SYT7: variants seen among roughly 807,000 people sequenced by gnomAD.
SYT7 encodes the protein synaptotagmin 7, also known as synaptotagmin-7.
In SYT7, 29 loss-of-function variants were observed where a neutral mutation model predicts 75.1. The ratio of observed to expected loss-of-function variants is 0.39; its 90% CI spans 0.29 to 0.53. The LOEUF (loss-of-function observed/expected upper bound fraction) is 0.53. Among genes scored for constraint, SYT7 ranks in the 20% least tolerant of loss-of-function variants. The probability of loss-of-function intolerance (pLI) is 0.77; values close to 1 mark genes in which losing one functional copy is unlikely to be tolerated. For synonymous variants in SYT7, 376 were observed against 401.7 expected, an observed-to-expected ratio of 0.94 and a Z score of 0.76; for missense variants, 693 against 953.2, an observed-to-expected ratio of 0.73 and a Z score of 3.59.
At chr11:61,548,163 G>A (rs2063245584) in intron 3 of SYT7, among the ~76,000 whole-genome samples, 1 of 152,238 alleles carries the variant, frequency 6.6e-6, no homozygotes, top group Non-Finnish European at 1.5e-5. Context: ...ACCTTGCTGA[G>A]GATGTCACTA....
intron 3 of SYT7, among the ~76,000 whole-genome samples, chr11:61,550,805 G>A (rs1274231984): frequency 6.6e-6 from 1 of 152,210 alleles, no homozygotes; most frequent in East Asian, 1.9e-4. Context: ...CTCTACGGCA[G>A]AACAAGGAGA....
intron 3 of SYT7, among the ~76,000 whole-genome samples, chr11:61,549,804 C>A (rs1033338843): frequency 1.3e-5 from 2 of 152,212 alleles, no homozygotes; most frequent in Non-Finnish European, 2.9e-5. Flanking sequence ...TCTTAGAGAG[C>A]CCTCATGGGC....
In SYT7 at chr11:61,580,693, A is replaced by T; in HGVS notation, c.31+97T>A. On this transcript the variant is annotated intron_variant, in intron 1 of 12. Transcript: ENST00000539008. This position sits in a 1 kb window ranked among gnomAD's most constrained non-coding sequence, Gnocchi z 6.1. ...GGGGAGCCCGTGCGGCTCCGGGCGG[A>T]CAACAGCCCCAGGCTGGGGCTCCGA... 1.2e-6 allele frequency: 1 copy of T among 852,202 alleles called. No homozygotes were observed. The allele number at this position is 852,202 out of a possible 1,614,324, so 52.8% of individuals were successfully genotyped here.
Position 61,523,051 on chromosome 11 carries a change from C to T in SYT7, c.1956+24G>A, listed in dbSNP as rs1362009005. ...AGCCTCACTGGTGCCAGCAGGTGCA[C>T]CACACCACCTGCCTCGCCCCTACCT... On this transcript the variant is annotated intron_variant, in intron 12 of 12. Transcript: ENST00000539008. This position sits in a 1 kb window ranked among gnomAD's most constrained non-coding sequence, Gnocchi z 5.0. 6.2e-7 allele frequency: 1 copy of T among 1,612,828 alleles called. No homozygotes were observed. The highest frequency in any genetic ancestry group is 8.5e-7 in the Non-Finnish European group (1 of 1,179,336).
chr11:61,541,518 T>C (rs889851515), intron 6 of SYT7, among the ~76,000 whole-genome samples: 2 of 152,172 alleles, frequency 1.3e-5, no homozygotes, highest in African/African-American at 2.4e-5. Flanking sequence ...CTTAGACCTA[T>C]ATACTTGAAA....
chr11:61,530,056 C>T (rs1242830161), intron 8 of SYT7, among the ~76,000 whole-genome samples: 2 of 152,234 alleles, frequency 1.3e-5, no homozygotes, highest in African/African-American at 2.4e-5. Context: ...AGCACTCCCG[C>T]TGGAACACGT....
intron 7 of SYT7, 147 bp downstream of exon 7, chr11:61,537,997 C>A: frequency 7.9e-7 from 1 of 1,261,100 alleles, no homozygotes; most frequent in Admixed American, 2.4e-5. Flanking sequence ...GTGAGGGCAC[C>A]GGCTGGGGAG....
At position 61,518,386 on chromosome 11, in the gene SYT7, A is replaced by G; in HGVS notation, c.*241T>C. ...CTTCTTTAGTATTAGTAAGTCAGGA[A>G]GAAAAGGGGCAAAGCAGGAAAATGC... On this transcript the variant is annotated 3_prime_UTR_variant, in exon 13 of 13. Transcript: ENST00000539008. 2.5e-6 allele frequency: 1 copy of G among 395,708 alleles called. No homozygotes were observed. The highest frequency in any genetic ancestry group is 3.7e-5 in the East Asian group (1 of 27,216). 24.5% of individuals were successfully genotyped at this position (395,708 alleles called of 1,614,324 possible). A position where few individuals can be genotyped will look rare whatever the true frequency, so the allele number is the denominator to read the frequency against.
chr11:61,555,885 T>C (rs1276812497), intron 2 of SYT7, among the ~76,000 whole-genome samples: 2 of 152,184 alleles, frequency 1.3e-5, no homozygotes, highest in South Asian at 2.1e-4. Flanking sequence ...TAAACAGAAG[T>C]ATAGGGCTGA....
rs1288238539 is a variant in SYT7 at position 61,538,283 on chromosome 11, G to T, written c.942-17C>A. ...CGGCCTTCCCTGCCCGGGGAGGGCA[G>T]CCCACAGGCCAGGGTGAAACGAGGA... On this transcript the variant is annotated splice_polypyrimidine_tract_variant and intron_variant, in intron 6 of 12. Coordinates refer to ENST00000539008, the MANE Select transcript of SYT7 (RefSeq NM_001365809.2). The T allele has an allele frequency of 1.3e-6, 2 of 1,522,712 alleles. No individual in the cohort carries two copies. Among genetic ancestry groups the T allele is most frequent in the Non-Finnish European group, 1.8e-6 (2 of 1,138,562 alleles). The allele number at this position is 1,522,712 out of a possible 1,614,324, so 94.3% of individuals were successfully genotyped here.
chr11:61,581,464 G>C (rs2064271457), upstream of SYT7, among the ~76,000 whole-genome samples: 1 of 152,240 alleles, frequency 6.6e-6, no homozygotes, highest in South Asian at 2.1e-4. Context: ...GTGCCCTTTG[G>C]CTCCGATCCA....
At chr11:61,573,025 G>A (rs2063965911) in intron 1 of SYT7, among the ~76,000 whole-genome samples, 1 of 152,266 alleles carries the variant, frequency 6.6e-6, no homozygotes, top group Admixed American at 6.5e-5. Context: ...GACATAACCA[G>A]GCCCCGCTGT....
In SYT7 at chr11:61,553,303, T is replaced by C. The variant is rs1211052409; in HGVS notation, c.136-1840A>G. ...TCAGGCAGGAGCCCCGCCCCACTAT[T>C]CTCCAGCACACAGGCAGTGTGGGTC... On this transcript the variant is annotated intron_variant, in intron 2 of 12. Transcript: ENST00000539008. This position sits in a 1 kb window ranked among gnomAD's most constrained non-coding sequence, Gnocchi z 5.2. Among the ~76,000 whole-genome samples the C allele has an allele frequency of 6.6e-6, 1 of 152,088 alleles. No individual in the cohort carries two copies. Among genetic ancestry groups the C allele is most frequent in the African/African-American group, 2.4e-5 (1 of 41,428 alleles).
At chr11:61,544,765 G>A (rs2063138047) in intron 5 of SYT7, among the ~76,000 whole-genome samples, 1 of 152,200 alleles carries the variant, frequency 6.6e-6, no homozygotes, top group Non-Finnish European at 1.5e-5. Flanking sequence ...TGGGAGGGTG[G>A]GGCACTGGGC....
chr11:61,540,560 G>A (rs550223009), intron 6 of SYT7: 1 of 985,546 alleles, frequency 1.0e-6, no homozygotes, highest in Admixed American at 6.1e-5. Context: ...CATGAGACTT[G>A]TCCTGGGGCA....
chr11:61,574,247 C>G (rs563290131), intron 1 of SYT7, among the ~76,000 whole-genome samples: 1 of 152,176 alleles, frequency 6.6e-6, no homozygotes, highest in Non-Finnish European at 1.5e-5. Context: ...ATCTTCCAAC[C>G]GCCTGGGAGG....
chr11:61,580,886 G>T lies in SYT7; in HGVS notation c.-66C>A. 1 of 1,138,876 alleles carries T rather than the reference G, an allele frequency of 8.8e-7. No homozygotes were observed. The highest frequency in any genetic ancestry group is 1.1e-6 in the Non-Finnish European group (1 of 929,492). 70.5% of individuals were successfully genotyped at this position (1,138,876 alleles called of 1,614,324 possible). ...GCCCGCGGCCGCGCGCTGCTCCGCC[G>T]CCGCCGCTGGGCATGGGGCCGGGCG... is the stretch of plus-strand genomic sequence containing the variant. On this transcript the variant is annotated 5_prime_UTR_variant, in exon 1 of 13. Transcript: ENST00000539008. The surrounding 1 kb of genome is among the most constrained non-coding windows in gnomAD (Gnocchi z 6.1).
At chr11:61,532,968 C>A (rs371580147) in intron 8 of SYT7, 21 bp downstream of exon 8, 3 of 1,611,922 alleles carry the variant, frequency 1.9e-6, no homozygotes, top group South Asian at 1.1e-5. Flanking sequence ...CTTGGAGCAG[C>A]GCAGGCTCCC....
intron 7 of SYT7, among the ~76,000 whole-genome samples, chr11:61,535,812 C>T (rs1296463981): frequency 6.6e-6 from 1 of 152,186 alleles, no homozygotes; most frequent in Non-Finnish European, 1.5e-5. Flanking sequence ...CCCCTTCCTC[C>T]AGAGACATCT....
Sources: gnomAD v4.1 joint callset for allele counts (sites outside exome capture counted in the v4.1 genomes callset) on GRCh38, gnomAD v4.1.1 for gene constraint, Gnocchi (gnomAD v3.1) non-coding constraint, MANE v1.5 for transcripts, NCBI Gene and HGNC (gene_info 2026-07-23, HGNC 2026-07-21) for gene names.